HPSE2: variants seen among roughly 807,000 people sequenced by gnomAD.
The protein encoded by HPSE2 is heparanase 2 (inactive).
In HPSE2, 38 loss-of-function variants were observed where a neutral mutation model predicts 60.5. The ratio of observed to expected loss-of-function variants is 0.63; its 90% CI spans 0.48 to 0.82. The LOEUF (loss-of-function observed/expected upper bound fraction) is 0.82, where lower values mean the gene tolerates loss of function less well. Among genes scored for constraint, HPSE2 ranks in the 40% least tolerant of loss-of-function variants. The pLI is 0.00. For missense variants in HPSE2, 713 were observed against 740.4 expected, an observed-to-expected ratio of 0.96 and a Z score of 0.43; for synonymous variants, 295 against 293.2, an observed-to-expected ratio of 1.01 and a Z score of -0.06.
intron 9 of HPSE2, among the ~76,000 whole-genome samples, chr10:98,539,319 C>T (rs1943386240): frequency 1.3e-5 from 2 of 151,988 alleles, no homozygotes; most frequent in East Asian, 1.9e-4. Context: ...GTTGGGAGTT[C>T]GAGACCAGCC....
At chr10:98,830,168 T>C (rs1951651366) in intron 3 of HPSE2, among the ~76,000 whole-genome samples, 1 of 152,226 alleles carries the variant, frequency 6.6e-6, no homozygotes, top group Non-Finnish European at 1.5e-5. Context: ...TATTGCCTAC[T>C]ATGTTCCAAG....
intron 3 of HPSE2, among the ~76,000 whole-genome samples, chr10:98,888,135 A>AACACACACACACACACACAC (rs3043548): frequency 5.9e-4 from 83 of 140,796 alleles, no homozygotes; most frequent in Middle Eastern, 7.4e-3. Flanking sequence ...TTTTAAAACA[A>AACACACACACACACACACAC]ACACACACAC....
At chr10:98,495,837 T>A (rs1208940865) in intron 9 of HPSE2, among the ~76,000 whole-genome samples, 1 of 152,230 alleles carries the variant, frequency 6.6e-6, no homozygotes, top group African/African-American at 2.4e-5. Flanking sequence ...TTAAAGTCTT[T>A]GCTTAGTAGA....
intron 9 of HPSE2, among the ~76,000 whole-genome samples, chr10:98,570,239 C>T (rs1206744849): frequency 1.3e-5 from 2 of 152,188 alleles, no homozygotes; most frequent in African/African-American, 2.4e-5. Flanking sequence ...GTTTCATTTA[C>T]CTGCTGTCTC....
chr10:99,172,348 A>G (rs555470787), intron 2 of HPSE2, among the ~76,000 whole-genome samples: 118 of 152,298 alleles, frequency 7.7e-4, no homozygotes, highest in Non-Finnish European at 1.1e-3. Flanking sequence ...TGGCAGCCTC[A>G]GGGGACCTAC....
intron 3 of HPSE2, among the ~76,000 whole-genome samples, chr10:99,094,121 A>C (rs1243809781): frequency 6.6e-6 from 1 of 152,104 alleles, no homozygotes; most frequent in Non-Finnish European, 1.5e-5. Context: ...TTTATAATTT[A>C]AAGTTGCTTA....
At chr10:99,120,907 CAA>C (rs1350276292) in intron 3 of HPSE2, among the ~76,000 whole-genome samples, 1 of 152,158 alleles carries the variant, frequency 6.6e-6, no homozygotes, top group African/African-American at 2.4e-5. Context: ...GGTAATTTCT[CAA>C]AGAGCTAAAA....
intron 6 of HPSE2, among the ~76,000 whole-genome samples, chr10:98,653,971 CTAGTT>C (rs1946989660): frequency 6.6e-6 from 1 of 150,904 alleles, no homozygotes; most frequent in Non-Finnish European, 1.5e-5. Context: ...ATAAAGAACT[CTAGTT>C]TTTTTTTTTT....
intron 3 of HPSE2, among the ~76,000 whole-genome samples, chr10:98,996,366 C>T (rs192546223): frequency 5.1e-4 from 77 of 152,202 alleles, no homozygotes; most frequent in East Asian, 3.3e-3. Flanking sequence ...TATGGAGCAA[C>T]CAGAACTTTC....
the HPSE2 span, among the ~76,000 whole-genome samples, chr10:99,303,121 T>C: frequency 6.6e-6 from 1 of 152,116 alleles, no homozygotes; most frequent in Non-Finnish European, 1.5e-5. Flanking sequence ...GCCTTAGGTA[T>C]TACCTATCAA....
Position 98,712,280 on chromosome 10 carries a change from GA to G in HPSE2, c.956+9376del, listed in dbSNP as rs71304998. On this transcript the variant is annotated intron_variant, in intron 5 of 11. Transcript: ENST00000370552. ...TTTGTTGTTGTTGTTAAAATTAGAA[GA>G]AAAAAAAAACAAGTTTAAGGTTGAA... Among the ~76,000 whole-genome samples, 369 of 146,358 alleles carry G rather than the reference GA, an allele frequency of 2.5e-3. 2 individuals carry two copies. The highest frequency in any genetic ancestry group is 7.9e-3 in the African/African-American group (310 of 39,280).
intron 3 of HPSE2, among the ~76,000 whole-genome samples, chr10:98,903,593 A>G (rs969289323): frequency 6.6e-6 from 1 of 152,088 alleles, no homozygotes; most frequent in African/African-American, 2.4e-5. Context: ...ATTTTCTTAA[A>G]TATTCCTAGA....
intron 9 of HPSE2, among the ~76,000 whole-genome samples, chr10:98,578,731 A>G (rs1322034734): frequency 6.6e-6 from 1 of 152,130 alleles, no homozygotes; most frequent in Non-Finnish European, 1.5e-5. Flanking sequence ...GATACCCCCT[A>G]CAACTCACAA....
chr10:99,226,369 C>T (rs1461662688), intron 2 of HPSE2, among the ~76,000 whole-genome samples: 1 of 152,024 alleles, frequency 6.6e-6, no homozygotes, highest in Non-Finnish European at 1.5e-5. Context: ...TGTTGTCTCA[C>T]CAACTACACT....
intron 5 of HPSE2, among the ~76,000 whole-genome samples, chr10:98,713,286 A>G (rs140522738): frequency 1.5e-3 from 225 of 152,204 alleles, no homozygotes; most frequent in Non-Finnish European, 2.5e-3. Flanking sequence ...TCATTAAAGC[A>G]TCTTTAGCAA....
intron 9 of HPSE2, among the ~76,000 whole-genome samples, chr10:98,529,695 A>T (rs1016439810): frequency 6.6e-6 from 1 of 152,158 alleles, no homozygotes; most frequent in African/African-American, 2.4e-5. Flanking sequence ...TCGCACTTCA[A>T]GCAGTAAGTA....
chr10:98,550,836 T>A (rs1210861170), intron 9 of HPSE2, among the ~76,000 whole-genome samples: 1 of 152,072 alleles, frequency 6.6e-6, no homozygotes, highest in Admixed American at 6.6e-5. Context: ...CTCCAACTCC[T>A]GGCTTCAAGT....
At chr10:98,621,098 G>A (rs999312060) in intron 7 of HPSE2, among the ~76,000 whole-genome samples, 5 of 151,878 alleles carry the variant, frequency 3.3e-5, no homozygotes, top group South Asian at 4.2e-4. Flanking sequence ...TATGACACAC[G>A]TACTCCCTAA....
chr10:98,778,509 T>C (rs942023724), intron 3 of HPSE2, among the ~76,000 whole-genome samples: 7 of 152,026 alleles, frequency 4.6e-5, no homozygotes, highest in Non-Finnish European at 7.4e-5. Flanking sequence ...AAGTTTTATC[T>C]AGCTGTCCCA....
Sources: allele counts gnomAD v4.1 joint callset (sites outside exome capture counted in the v4.1 genomes callset), GRCh38; gene constraint gnomAD v4.1.1; transcripts MANE v1.5; gene names NCBI Gene and HGNC (gene_info 2026-07-23, HGNC 2026-07-21).